The following NCOA1 variants were observed in gnomAD, a reference collection of about 807,000 sequenced individuals.
NCOA1 encodes the protein nuclear receptor coactivator 1.
A neutral mutation model predicts 150.9 loss-of-function variants in NCOA1; 35 were observed. That is an observed-to-expected ratio of 0.23 (90% CI 0.18 to 0.31). The LOEUF (loss-of-function observed/expected upper bound fraction) is 0.31. NCOA1 is among the 10% of genes least tolerant of loss of function. The pLI, the probability that NCOA1 is intolerant of heterozygous loss-of-function variation, is 1.00. For synonymous variants in NCOA1, 590 were observed against 630.0 expected (o/e 0.94, Z 0.95); for missense variants, 1,491 against 1,749.3 (o/e 0.85, Z 2.63).
intron 3 of NCOA1, among the ~76,000 whole-genome samples, chr2:24,622,876 A>G (rs1458710934): frequency 1.3e-5 from 2 of 152,188 alleles, no homozygotes; most frequent in East Asian, 1.9e-4. Context: ...AAGATACTCA[A>G]TAGATTTTTA....
chr2:24,646,708 T>C (rs1670490865), intron 4 of NCOA1, among the ~76,000 whole-genome samples: 1 of 143,196 alleles, frequency 7.0e-6, no homozygotes. Flanking sequence ...TCTTCTTTCT[T>C]TTTTTTTTTT....
chr2:24,640,785 G>A (rs777453939), intron 3 of NCOA1, among the ~76,000 whole-genome samples: 2 of 152,036 alleles, frequency 1.3e-5, no homozygotes, highest in South Asian at 2.1e-4. Context: ...TTTGCTGTTC[G>A]TGTAATATAT....
rs775461907 is a variant in NCOA1, at chr2:24,665,842, T to C, written c.183T>C (p.Ser61=). ...ACATTAGTGACATTGACAGCTTGAG[T>C]GTAAAACCAGACAAATGCAAGATTT... The part of the protein sequence containing the change: ...SANISDIDSL[S]VKPDKCKILK... The change falls in exon 6 of 23, where the codon AGT becomes AGC. Residue 61 remains serine, a synonymous_variant. Coordinates refer to ENST00000348332, the MANE Select transcript of NCOA1 (RefSeq NM_003743.5). 6.2e-7 allele frequency: 1 copy of C among 1,604,578 alleles called. No homozygotes were observed. The highest frequency in any genetic ancestry group is 1.1e-5 in the South Asian group (1 of 89,566).
At chr2:24,732,535 T>C (rs1663070354) in intron 17 of NCOA1, among the ~76,000 whole-genome samples, 1 of 152,212 alleles carries the variant, frequency 6.6e-6, no homozygotes, top group Non-Finnish European at 1.5e-5. Flanking sequence ...TTTACATGTG[T>C]CCACTTAAGG....
chr2:24,736,269 G>A (rs1336075574), intron 17 of NCOA1, among the ~76,000 whole-genome samples: 2 of 151,032 alleles, frequency 1.3e-5, no homozygotes, highest in Non-Finnish European at 3.0e-5. Context: ...ATCATTAGCT[G>A]ACAAAAGATA....
chr2:24,658,723 T>G lies in NCOA1; in HGVS notation c.46T>G (p.Ser16Ala), dbSNP rs1244978435. Residue 16 changes from serine to alanine, a missense_variant, in exon 5 of 23, where the codon TCA (serine) becomes GCA (alanine). This residue lies in a region of NCOA1 where 40 missense variants were observed against 39.6 expected (regional missense o/e 1.01). Transcript: ENST00000348332. ...TTCATCCGACCCTGCTAACCCAGAC[T>G]CACATAAGAGGAAAGGATCGCCATG... is the stretch of plus-strand genomic sequence containing the variant. ...DSSSDPANPD[S>A]HKRKGSPCDT... 1.2e-6 allele frequency: 2 copies of G among 1,613,940 alleles called. No individual in the cohort carries two copies. Among genetic ancestry groups the G allele is most frequent in the Non-Finnish European group, 1.7e-6 (2 of 1,179,976 alleles).
At chr2:24,602,354 C>T (rs1668159990) in intron 3 of NCOA1, among the ~76,000 whole-genome samples, 1 of 152,052 alleles carries the variant, frequency 6.6e-6, no homozygotes, top group Non-Finnish European at 1.5e-5. Context: ...GGGTGCACCA[C>T]CACACCGGGC....
At chr2:24,492,511 A>G (rs774120863) in intron 1 of NCOA1, among the ~76,000 whole-genome samples, 20 of 152,184 alleles carry the variant, frequency 1.3e-4, no homozygotes, top group Admixed American at 2.6e-4. Flanking sequence ...GGGGTTGACA[A>G]TACAGCCTGT....
chr2:24,547,475 G>T (rs1665648339), intron 1 of NCOA1, among the ~76,000 whole-genome samples: 1 of 152,074 alleles, frequency 6.6e-6, no homozygotes, highest in East Asian at 1.9e-4. Context: ...TGAACTGGAG[G>T]GCTTACTGAC....
intron 2 of NCOA1, among the ~76,000 whole-genome samples, chr2:24,582,069 T>A (rs1475445886): frequency 1.3e-5 from 2 of 152,124 alleles, no homozygotes; most frequent in African/African-American, 4.8e-5. Flanking sequence ...CCCACTTTCA[T>A]CACTCTTATT....
In NCOA1 at chr2:24,745,024, G is replaced by A. The variant is rs569188550; in HGVS notation, c.3706+2838G>A. Among the ~76,000 whole-genome samples the A allele has an allele frequency of 2.0e-5, 3 of 152,210 alleles. No individual in the cohort carries two copies. In the South Asian group the frequency reaches 6.2e-4, roughly 32 times the overall value. On this transcript the variant is annotated intron_variant, in intron 19 of 22. Coordinates refer to ENST00000348332, the MANE Select transcript of NCOA1 (RefSeq NM_003743.5). Reference sequence around the variant, plus strand: ...TAATGTAGGCCCAAAGTAAATGAAGGAACATGAAAGTCATAGTAATGGCAG... The same window carrying A: ...TAATGTAGGCCCAAAGTAAATGAAGAAACATGAAAGTCATAGTAATGGCAG...
chr2:24,619,134 TGTTA>T (rs1168700804), intron 3 of NCOA1, among the ~76,000 whole-genome samples: 5 of 152,218 alleles, frequency 3.3e-5, no homozygotes, highest in African/African-American at 4.8e-5. Context: ...TCTTTCACCT[TGTTA>T]GTTGTTTAAT....
chr2:24,527,374 A>G (rs1313065357), intron 1 of NCOA1, among the ~76,000 whole-genome samples: 1 of 151,972 alleles, frequency 6.6e-6, no homozygotes, highest in Non-Finnish European at 1.5e-5. Flanking sequence ...TGTACATTTG[A>G]CTTTTAAAAC....
At chr2:24,590,003 G>C (rs1299508247) in intron 3 of NCOA1, among the ~76,000 whole-genome samples, 1 of 152,118 alleles carries the variant, frequency 6.6e-6, no homozygotes, top group South Asian at 2.1e-4. Flanking sequence ...GAGCAGAAGG[G>C]ATATCTGCTC....
rs1663498993 is a variant in NCOA1, at chr2:24,739,503, A to T, written c.3273A>T (p.Arg1091Ser). The T allele has an allele frequency of 1.9e-6, 3 of 1,613,818 alleles. No individual in the cohort carries two copies. The African/African-American group carries it at 4.0e-5, about 22-fold the overall frequency. The change falls in exon 18 of 23, where the codon AGA (arginine) becomes AGT (serine). Residue 1091 changes from arginine (R) to serine (S), a missense_variant. By Grantham distance (110) the Arg-to-Ser change is moderately radical. Around this residue, in one of 8 missense-constraint regions of NCOA1, gnomAD observed 485 missense variants for 522.8 expected, o/e 0.93. Coordinates refer to ENST00000348332, the MANE Select transcript of NCOA1 (RefSeq NM_003743.5). Reference sequence around the variant, plus strand: ...CTGCTCCTGTTGGCATCAATATGAGATCAGGCATGCAACAGCAAATTACAC... The same window carrying T: ...CTGCTCCTGTTGGCATCAATATGAGTTCAGGCATGCAACAGCAAATTACAC... The part of the protein sequence containing the change: ...AATAPVGINM[R>S]SGMQQQITPQ...
intron 1 of NCOA1, among the ~76,000 whole-genome samples, chr2:24,503,294 T>C (rs1023896548): frequency 2.6e-5 from 4 of 152,154 alleles, no homozygotes; most frequent in African/African-American, 9.7e-5. Context: ...AAAAGTCTGG[T>C]GTAGCTTGGT....
intron 1 of NCOA1, among the ~76,000 whole-genome samples, chr2:24,541,460 A>G (rs551156605): frequency 1.4e-4 from 22 of 152,308 alleles, no homozygotes; most frequent in African/African-American, 4.8e-4. Context: ...CTGTTATGTG[A>G]GAGAAAAATA....
intron 14 of NCOA1, among the ~76,000 whole-genome samples, chr2:24,717,609 T>C (rs991689375): frequency 5.3e-5 from 8 of 151,930 alleles, no homozygotes; most frequent in African/African-American, 1.9e-4. Context: ...CATATACACA[T>C]ATATATATAT....
intron 1 of NCOA1, among the ~76,000 whole-genome samples, chr2:24,557,495 C>G (rs927484905): frequency 6.6e-6 from 1 of 151,782 alleles, no homozygotes; most frequent in African/African-American, 2.4e-5. Flanking sequence ...CCCTCCCCCT[C>G]CTCCTCCTGC....
Sources: gnomAD v4.1 joint callset for allele counts (sites outside exome capture counted in the v4.1 genomes callset) on GRCh38, gnomAD v4.1.1 for gene constraint, gnomAD v4.1.1 regional missense constraint, MANE v1.5 for transcripts, NCBI Gene and HGNC (gene_info 2026-07-23, HGNC 2026-07-21) for gene names.